KLHL29: variants seen among roughly 807,000 people sequenced by gnomAD.
KLHL29 encodes the protein kelch like family member 29.
In KLHL29, 21 loss-of-function variants were observed where a neutral mutation model predicts 80.4. That is an observed-to-expected ratio of 0.26 (90% CI 0.19 to 0.38). KLHL29 has a LOEUF of 0.38. Ranked by LOEUF, KLHL29 falls within the 10% of genes least tolerant of loss-of-function variation. The probability of loss-of-function intolerance (pLI) is 1.00; values close to 1 mark genes in which losing one functional copy is unlikely to be tolerated. For missense variants in KLHL29, 867 were observed against 1,223.9 expected (o/e 0.71, Z 4.35); for synonymous variants, 511 against 526.8 (o/e 0.97, Z 0.41).
Position 23,700,983 on chromosome 2 carries a change from A to G in KLHL29, c.2106-2203A>G, listed in dbSNP as rs1672329555. 6.6e-6 allele frequency among the ~76,000 whole-genome samples: 1 copy of G among 152,140 alleles called. No individual in the cohort carries two copies. The highest frequency in any genetic ancestry group is 1.5e-5 in the Non-Finnish European group (1 of 68,028). On this transcript the variant is annotated intron_variant, in intron 11 of 13. Coordinates refer to ENST00000486442, the MANE Select transcript of KLHL29 (RefSeq NM_052920.2). The surrounding 1 kb of genome is among the most constrained non-coding windows in gnomAD (Gnocchi z 4.6). ...AGCACACTCCTGAGCTTCCATTTCC[A>G]GCTTTGTGCCAGAGATCCCACAGCT...
intron 3 of KLHL29, among the ~76,000 whole-genome samples, chr2:23,627,846 GT>G (rs1324010424): frequency 1.3e-5 from 2 of 149,622 alleles, no homozygotes; most frequent in African/African-American, 4.9e-5. Flanking sequence ...GTGAGTCTTT[GT>G]TTGCAATTTT....
At chr2:23,671,109 G>C (rs1255496272) in intron 5 of KLHL29, among the ~76,000 whole-genome samples, 2 of 150,600 alleles carry the variant, frequency 1.3e-5, no homozygotes, top group East Asian at 2.0e-4. Context: ...CTGGCATCTG[G>C]GGTTTCCATT....
chr2:23,432,128 C>G (rs2083413040), intron 1 of KLHL29, among the ~76,000 whole-genome samples: 1 of 152,112 alleles, frequency 6.6e-6, no homozygotes, highest in African/African-American at 2.4e-5. Context: ...CTATTTAGTG[C>G]TATCATTTCA....
Position 23,480,442 on chromosome 2 carries a change from G to A in KLHL29, c.-46+4775G>A, listed in dbSNP as rs186170002. ...GTGGAGGTTGCAGTGAGCTGAGATC[G>A]CACCACTGCACCACTCCACCCTAGG... On this transcript the variant is annotated intron_variant, in intron 2 of 13. Coordinates refer to ENST00000486442, the MANE Select transcript of KLHL29 (RefSeq NM_052920.2). Among the ~76,000 whole-genome samples the A allele has an allele frequency of 2.2e-3, 330 of 152,010 alleles. 1 individual carries two copies. Among genetic ancestry groups the A allele is most frequent in the Admixed American group, 6.4e-3 (98 of 15,264 alleles).
intron 2 of KLHL29, among the ~76,000 whole-genome samples, chr2:23,499,154 G>T (rs1558360936): frequency 6.6e-6 from 1 of 152,062 alleles, no homozygotes; most frequent in Non-Finnish European, 1.5e-5. Flanking sequence ...TATTATTTTT[G>T]GATTTTTTGG....
At chr2:23,513,582 G>C (rs903658911) in intron 2 of KLHL29, among the ~76,000 whole-genome samples, 2 of 152,206 alleles carry the variant, frequency 1.3e-5, no homozygotes, top group Non-Finnish European at 2.9e-5. Context: ...CCCAGGACCT[G>C]AGTACTAACT....
intron 1 of KLHL29, among the ~76,000 whole-genome samples, chr2:23,454,014 A>G (rs1663966311): frequency 1.3e-5 from 2 of 152,196 alleles, no homozygotes; most frequent in Admixed American, 6.5e-5. Context: ...CTTGCTGACT[A>G]AATGCCCATT....
chr2:23,527,643 T>C (rs1042911629), intron 2 of KLHL29, among the ~76,000 whole-genome samples: 6 of 152,124 alleles, frequency 3.9e-5, no homozygotes, highest in Non-Finnish European at 8.8e-5. Flanking sequence ...AGCAGTAGGA[T>C]TGGTTCAGTG....
At chr2:23,522,020 A>G (rs1666121010) in intron 2 of KLHL29, among the ~76,000 whole-genome samples, 2 of 152,224 alleles carry the variant, frequency 1.3e-5, no homozygotes, top group Admixed American at 1.3e-4. Flanking sequence ...TGCCTAAAGC[A>G]CTAGTACCCA....
chr2:23,633,058 C>G (rs529332504), intron 3 of KLHL29, among the ~76,000 whole-genome samples: 1 of 152,346 alleles, frequency 6.6e-6, no homozygotes, highest in Non-Finnish European at 1.5e-5. Flanking sequence ...AAGGAGCCAT[C>G]AGAACCCAGG....
intron 1 of KLHL29, among the ~76,000 whole-genome samples, chr2:23,421,446 G>A (rs1293583044): frequency 6.6e-6 from 1 of 152,098 alleles, no homozygotes; most frequent in African/African-American, 2.4e-5. Context: ...GGCTGCTCCT[G>A]GAGGGGAGAA....
chr2:23,506,250 G>T (rs1045056210), intron 2 of KLHL29, among the ~76,000 whole-genome samples: 1 of 152,358 alleles, frequency 6.6e-6, no homozygotes, highest in African/African-American at 2.4e-5. Context: ...CAGGTCATCC[G>T]CTAGACAACA....
chr2:23,427,691 G>C (rs541313289), intron 1 of KLHL29, among the ~76,000 whole-genome samples: 5 of 152,288 alleles, frequency 3.3e-5, no homozygotes, highest in Admixed American at 2.0e-4. Flanking sequence ...TAGTAATTTT[G>C]GGGTCTATTA....
At chr2:23,627,908 G>GTTTTT (rs1553347328) in intron 3 of KLHL29, among the ~76,000 whole-genome samples, 6 of 37,290 alleles carry the variant, frequency 1.6e-4, no homozygotes, top group Non-Finnish European at 2.2e-4. Flanking sequence ...GAGGCCAGGA[G>GTTTTT]TCTTTTTTTT....
chr2:23,473,214 C>T lies in KLHL29; in HGVS notation c.-153-2346C>T, dbSNP rs1664544968. Among the ~76,000 whole-genome samples, 3 of 152,234 alleles carry T rather than the reference C, an allele frequency of 2.0e-5. No homozygotes were observed. The South Asian group carries it at 6.2e-4, about 32-fold the overall frequency. On this transcript the variant is annotated intron_variant, in intron 1 of 13. Coordinates refer to ENST00000486442, the MANE Select transcript of KLHL29 (RefSeq NM_052920.2). ...CAACAGTCAACCCTGACCCTGTCCC[C>T]AGTCTCCTGCTAGTGCTTGCATGGG... is the stretch of plus-strand genomic sequence containing the variant.
intron 3 of KLHL29, among the ~76,000 whole-genome samples, chr2:23,625,678 C>T (rs953390248): frequency 4.3e-4 from 66 of 152,310 alleles, no homozygotes; most frequent in Admixed American, 1.4e-3. Context: ...TGTTTCTGAA[C>T]GCCCACTTTG....
At chr2:23,632,936 A>C (rs1472374110) in intron 3 of KLHL29, among the ~76,000 whole-genome samples, 1 of 152,066 alleles carries the variant, frequency 6.6e-6, no homozygotes, top group African/African-American at 2.4e-5. Flanking sequence ...GCTGCAGGGG[A>C]AGCTGGTAGA....
chr2:23,652,863 G>A (rs1346313580), intron 5 of KLHL29, among the ~76,000 whole-genome samples: 1 of 152,166 alleles, frequency 6.6e-6, no homozygotes, highest in Non-Finnish European at 1.5e-5. Flanking sequence ...TTTTTATCAG[G>A]ATCGAGATTG....
intron 2 of KLHL29, among the ~76,000 whole-genome samples, chr2:23,551,364 A>G (rs62125426): frequency 6.6e-6 from 1 of 152,186 alleles, no homozygotes; most frequent in Non-Finnish European, 1.5e-5. Flanking sequence ...AAATCACTAC[A>G]TCAAAACCCA....
Sources: allele counts gnomAD v4.1 joint callset (sites outside exome capture counted in the v4.1 genomes callset), GRCh38; gene constraint gnomAD v4.1.1; non-coding constraint Gnocchi (gnomAD v3.1); transcripts MANE v1.5; gene names NCBI Gene and HGNC (gene_info 2026-07-23, HGNC 2026-07-21).